EXOC4: variants seen among roughly 807,000 people sequenced by gnomAD.
EXOC4 encodes exocyst complex component 4.
EXOC4 carries 71 observed loss-of-function variants against 107.2 expected under a neutral mutation model. The ratio of observed to expected loss-of-function variants is 0.66; its 90% confidence interval spans 0.55 to 0.81. EXOC4 has a LOEUF of 0.81. EXOC4 is among the 30% of genes least tolerant of loss of function. The pLI, the probability that EXOC4 is intolerant of heterozygous loss-of-function variation, is 0.00. For missense variants in EXOC4, 1,108 were observed against 1,189.6 expected, an observed-to-expected ratio of 0.93 and a Z score of 1.01; for synonymous variants, 456 against 441.2, an observed-to-expected ratio of 1.03 and a Z score of -0.42.
intron 7 of EXOC4, among the ~76,000 whole-genome samples, chr7:133,474,377 A>T (rs573214822): frequency 6.6e-6 from 1 of 151,954 alleles, no homozygotes; most frequent in Admixed American, 6.6e-5. Context: ...GTGCAGTGGC[A>T]TGATCTCGGC....
intron 9 of EXOC4, among the ~76,000 whole-genome samples, chr7:133,625,535 G>T (rs1802433023): frequency 6.6e-6 from 1 of 152,084 alleles, no homozygotes; most frequent in African/African-American, 2.4e-5. Flanking sequence ...TTATTAATAT[G>T]ACAATATTTA....
intron 10 of EXOC4, among the ~76,000 whole-genome samples, chr7:133,656,724 G>T (rs1438913576): frequency 6.6e-6 from 1 of 152,158 alleles, no homozygotes; most frequent in East Asian, 1.9e-4. Context: ...TGTACTAAAT[G>T]AATCAGGTCT....
intron 14 of EXOC4, among the ~76,000 whole-genome samples, chr7:133,951,290 C>G (rs1800684875): frequency 6.6e-6 from 1 of 152,178 alleles, no homozygotes; most frequent in African/African-American, 2.4e-5. Flanking sequence ...ATGGGCTTGT[C>G]CTTGGACAAG....
intron 17 of EXOC4, among the ~76,000 whole-genome samples, chr7:134,011,785 T>TA (rs58603369): frequency 0.029 from 4,003 of 138,244 alleles, 76 homozygotes; most frequent in South Asian, 0.044. Flanking sequence ...ATGCTGTAGT[T>TA]AAAAAAAAAA....
chr7:133,431,344 T>G (rs1584912320), intron 7 of EXOC4, among the ~76,000 whole-genome samples: 1 of 152,310 alleles, frequency 6.6e-6, no homozygotes, highest in South Asian at 2.1e-4. Context: ...AAAAAAACAT[T>G]TAAATAACTG....
intron 9 of EXOC4, among the ~76,000 whole-genome samples, chr7:133,526,023 C>G (rs1161773644): frequency 6.6e-6 from 1 of 152,190 alleles, no homozygotes; most frequent in Non-Finnish European, 1.5e-5. Context: ...ATTTGCCTTT[C>G]TTTCCTAAAG....
chr7:133,945,752 C>T (rs1172726919), intron 14 of EXOC4, among the ~76,000 whole-genome samples: 4 of 152,134 alleles, frequency 2.6e-5, no homozygotes, highest in Non-Finnish European at 2.9e-5. Flanking sequence ...TATGCATTCC[C>T]GATGGTGACT....
At chr7:133,562,046 A>G (rs1289028124) in intron 9 of EXOC4, among the ~76,000 whole-genome samples, 1 of 152,260 alleles carries the variant, frequency 6.6e-6, no homozygotes, top group Non-Finnish European at 1.5e-5. Context: ...AATATGCCAT[A>G]ACAACTCAGC....
chr7:133,439,140 T>C (rs916272368), intron 7 of EXOC4, among the ~76,000 whole-genome samples: 1 of 151,948 alleles, frequency 6.6e-6, no homozygotes, highest in South Asian at 2.1e-4. Context: ...ATCTTCAAGA[T>C]GTTATAGTTG....
intron 12 of EXOC4, among the ~76,000 whole-genome samples, chr7:133,910,286 A>G (rs183504914): frequency 1.7e-3 from 255 of 152,170 alleles, no homozygotes; most frequent in South Asian, 4.6e-3. Flanking sequence ...TTTCTTCTTG[A>G]TCTTTTAAGT....
At chr7:133,646,771 C>T (rs555220969) in intron 10 of EXOC4, among the ~76,000 whole-genome samples, 33 of 152,290 alleles carry the variant, frequency 2.2e-4, no homozygotes, top group African/African-American at 7.5e-4. Context: ...GTAGTATGCC[C>T]TCTGCAAAGA....
chr7:133,826,466 C>T (rs1412385638), intron 11 of EXOC4, among the ~76,000 whole-genome samples: 1 of 152,192 alleles, frequency 6.6e-6, no homozygotes, highest in Non-Finnish European at 1.5e-5. Context: ...CTTGTCTTGT[C>T]TGAGCTTCCC....
intron 9 of EXOC4, among the ~76,000 whole-genome samples, chr7:133,565,273 A>G (rs1432858669): frequency 2.0e-5 from 3 of 152,014 alleles, no homozygotes; most frequent in Non-Finnish European, 4.4e-5. Context: ...AACCGCCTCC[A>G]CTCTTAGTTT....
intron 14 of EXOC4, among the ~76,000 whole-genome samples, chr7:133,984,385 C>T (rs1794066534): frequency 6.6e-6 from 1 of 152,194 alleles, no homozygotes; most frequent in Non-Finnish European, 1.5e-5. Flanking sequence ...ATATTTGGAA[C>T]AATTCTTCCA....
In EXOC4 at chr7:133,823,866, TATATATTATATA is replaced by T. The variant is rs1797607091; in HGVS notation, c.1734+6323_1734+6334del. Reference sequence around the variant, plus strand: ...TATTATATATATATATATATATATATATATATTATATATATATATATATATATTTTATATATA... The same window carrying T: ...TATTATATATATATATATATATATATTATATATATATATATTTTATATATA... On this transcript the variant is annotated intron_variant, in intron 11 of 17. Transcript: ENST00000253861. 9.4e-5 allele frequency among the ~76,000 whole-genome samples: 2 copies of T among 21,228 alleles called. 1 individual carries two copies. Among genetic ancestry groups the T allele is most frequent in the Non-Finnish European group, 1.5e-4 (2 of 13,588 alleles). 13.9% of individuals were successfully genotyped at this position (21,228 alleles called of 152,430 possible). A position where few individuals can be genotyped will look rare whatever the true frequency, so the allele number is the denominator to read the frequency against.
At chr7:133,465,321 T>C (rs1308199721) in intron 7 of EXOC4, among the ~76,000 whole-genome samples, 1 of 152,228 alleles carries the variant, frequency 6.6e-6, no homozygotes, top group Non-Finnish European at 1.5e-5. Flanking sequence ...GCATTGTCTC[T>C]TTTATTTGTC....
intron 10 of EXOC4, among the ~76,000 whole-genome samples, chr7:133,722,471 A>G (rs1795125284): frequency 6.6e-6 from 1 of 152,044 alleles, no homozygotes; most frequent in Non-Finnish European, 1.5e-5. Context: ...TTTTTTCCAC[A>G]GGGAAAGGGA....
intron 11 of EXOC4, among the ~76,000 whole-genome samples, chr7:133,878,720 TTA>T: frequency 6.6e-6 from 1 of 152,128 alleles, no homozygotes; most frequent in Admixed American, 6.5e-5. Flanking sequence ...TTTGTTTTTT[TTA>T]TGTTTGTTTG....
intron 9 of EXOC4, among the ~76,000 whole-genome samples, chr7:133,602,756 A>C (rs1273214071): frequency 1.3e-5 from 2 of 152,260 alleles, no homozygotes; most frequent in Non-Finnish European, 2.9e-5. Context: ...TTTCAGCTTC[A>C]GCTGGGCCTT....
Sources: gnomAD v4.1 joint callset for allele counts (sites outside exome capture counted in the v4.1 genomes callset) on GRCh38, gnomAD v4.1.1 for gene constraint, MANE v1.5 for transcripts, NCBI Gene and HGNC (gene_info 2026-07-23, HGNC 2026-07-21) for gene names.